The following SV2C variants were observed in gnomAD, a reference collection of about 807,000 sequenced individuals.
SV2C encodes synaptic vesicle glycoprotein 2C, also known as solute carrier family 22 member B3.
A neutral mutation model predicts 79.7 loss-of-function variants in SV2C; 49 were observed. That is an observed-to-expected ratio of 0.61 (90% CI 0.49 to 0.78). The LOEUF is 0.78. Ranked by LOEUF, SV2C falls within the 30% of genes least tolerant of loss-of-function variation. The probability of loss-of-function intolerance (pLI) is 0.00; values close to 1 mark genes in which losing one functional copy is unlikely to be tolerated. For missense variants in SV2C, 833 were observed against 912.9 expected (o/e 0.91, Z 1.13); for synonymous variants, 334 against 333.2 (o/e 1.00, Z -0.03).
At chr5:76,217,913 A>C (rs1580361208) in intron 4 of SV2C, among the ~76,000 whole-genome samples, 3 of 152,330 alleles carry the variant, frequency 2.0e-5, no homozygotes, top group Admixed American at 2.0e-4. Context: ...ACCCATTTTC[A>C]AGGCCATGGT....
At chr5:75,913,245 T>C in the SV2C span, among the ~76,000 whole-genome samples, 3 of 151,890 alleles carry the variant, frequency 2.0e-5, no homozygotes, top group African/African-American at 7.3e-5. Flanking sequence ...AGTATGGAGG[T>C]CCCCAGGATC....
chr5:75,983,367 A>G, the SV2C span, among the ~76,000 whole-genome samples: 8 of 152,262 alleles, frequency 5.3e-5, no homozygotes, highest in African/African-American at 1.4e-4. Flanking sequence ...GGGAAAAAAT[A>G]TAAGTTTAGA....
intron 3 of SV2C, among the ~76,000 whole-genome samples, chr5:76,206,334 C>T (rs182298483): frequency 1.3e-5 from 2 of 152,274 alleles, no homozygotes; most frequent in Admixed American, 1.3e-4. Context: ...GTTATAGAAG[C>T]TCCTGGAATG....
chr5:76,268,460 C>T (rs1746735278), intron 4 of SV2C, among the ~76,000 whole-genome samples: 1 of 152,120 alleles, frequency 6.6e-6, no homozygotes, highest in Non-Finnish European at 1.5e-5. Context: ...CCAGTGTGGG[C>T]CCGTCCCGCT....
the SV2C span, among the ~76,000 whole-genome samples, chr5:76,009,509 C>A: frequency 8.5e-5 from 13 of 152,158 alleles, no homozygotes; most frequent in Non-Finnish European, 1.6e-4. Context: ...TGGAATCAAC[C>A]CAGGTGCCTG....
intron 4 of SV2C, among the ~76,000 whole-genome samples, chr5:76,220,685 A>C (rs1178080405): frequency 1.3e-5 from 2 of 152,080 alleles, no homozygotes; most frequent in Non-Finnish European, 2.9e-5. Flanking sequence ...GGTATAAGCA[A>C]GATATAAGTT....
chr5:75,911,361 A>G, the SV2C span: 3 of 1,255,984 alleles, frequency 2.4e-6, no homozygotes, highest in South Asian at 2.6e-5. Flanking sequence ...CAGAAAATGA[A>G]GGATCTGAAC....
rs544559291 is a variant in SV2C at position 76,294,117 on chromosome 5, T to C, written c.1338-1661T>C. 1.9e-4 allele frequency among the ~76,000 whole-genome samples: 29 copies of C among 152,318 alleles called. No homozygotes were observed. In the South Asian group the frequency reaches 5.2e-3, roughly 27 times the overall value. On this transcript the variant is annotated intron_variant, in intron 8 of 12. Transcript: ENST00000502798. ...CTGGGTTTGTGGGGGATGATGATCC[T>C]GCTGGTCCGGGGACCTTATCTTATC...
At chr5:76,066,463 G>T in the SV2C span, among the ~76,000 whole-genome samples, 2 of 108,900 alleles carry the variant, frequency 1.8e-5, no homozygotes, top group African/African-American at 6.9e-5. Flanking sequence ...TGGGGGGAGG[G>T]GGGAGGGGGG....
chr5:76,312,299 C>A (rs1024574911), intron 12 of SV2C, among the ~76,000 whole-genome samples: 18 of 151,706 alleles, frequency 1.2e-4, no homozygotes, highest in African/African-American at 4.4e-4. Context: ...GTCACCCAGG[C>A]TGGAGTGCAG....
chr5:75,964,286 G>A, the SV2C span, among the ~76,000 whole-genome samples: 1 of 152,172 alleles, frequency 6.6e-6, no homozygotes. Flanking sequence ...AATTGAGAAA[G>A]AGGAACTACC....
chr5:75,892,573 C>T, the SV2C span, among the ~76,000 whole-genome samples: 1 of 152,040 alleles, frequency 6.6e-6, no homozygotes, highest in Non-Finnish European at 1.5e-5. Context: ...GATTTCAACA[C>T]TTGGCTCCCT....
At chr5:75,938,899 A>T in the SV2C span, among the ~76,000 whole-genome samples, 4,703 of 152,262 alleles carry the variant, frequency 0.031, 242 homozygotes, top group African/African-American at 0.11. Context: ...CCCTAGAGTA[A>T]CAGTACTCAC....
the SV2C span, among the ~76,000 whole-genome samples, chr5:76,043,874 C>T: frequency 0.3 from 45,341 of 151,756 alleles, 8,299 homozygotes; most frequent in African/African-American, 0.5. Context: ...GACTTTTATT[C>T]CTCCTTATTT....
the SV2C span, among the ~76,000 whole-genome samples, chr5:76,033,220 T>C: frequency 6.6e-6 from 1 of 152,042 alleles, no homozygotes; most frequent in Non-Finnish European, 1.5e-5. Context: ...TGATGGTAGT[T>C]TCTTTTGCTG....
At chr5:75,911,663 C>G in the SV2C span, 1 of 697,076 alleles carries the variant, frequency 1.4e-6, no homozygotes. Flanking sequence ...GAACTTTGCA[C>G]TTTTCCCACC....
the SV2C span, among the ~76,000 whole-genome samples, chr5:75,952,898 C>G: frequency 1.3e-5 from 2 of 151,968 alleles, no homozygotes; most frequent in African/African-American, 4.8e-5. Context: ...CACATATCTC[C>G]AAAGCTTACT....
intron 3 of SV2C, among the ~76,000 whole-genome samples, chr5:76,201,636 G>A (rs1264515649): frequency 6.6e-6 from 1 of 152,162 alleles, no homozygotes; most frequent in South Asian, 2.1e-4. Flanking sequence ...GAATTATTCA[G>A]AATGCTTTAT....
chr5:76,162,967 C>T (rs1369470267), intron 2 of SV2C, among the ~76,000 whole-genome samples: 2 of 152,200 alleles, frequency 1.3e-5, no homozygotes, highest in African/African-American at 4.8e-5. Flanking sequence ...TCTGATGAAG[C>T]CCTTTATATC....
Sources: allele counts gnomAD v4.1 joint callset (sites outside exome capture counted in the v4.1 genomes callset), GRCh38; gene constraint gnomAD v4.1.1; transcripts MANE v1.5; gene names NCBI Gene and HGNC (gene_info 2026-07-23, HGNC 2026-07-21).